The following WDFY3 variants were observed in gnomAD, a reference collection of about 807,000 sequenced individuals.
WDFY3 encodes the protein WD repeat and FYVE domain containing 3, also known as WD repeat and FYVE domain-containing protein 3.
WDFY3 carries 66 observed loss-of-function variants against 409.6 expected under a neutral mutation model. The ratio of observed to expected loss-of-function variants is 0.16; its 90% CI spans 0.13 to 0.20. The LOEUF is 0.20. Ranked by LOEUF, WDFY3 falls within the 10% of genes least tolerant of loss-of-function variation. The pLI is 1.00. For synonymous variants in WDFY3, 1,521 were observed against 1,537.1 expected, an observed-to-expected ratio of 0.99 and a Z score of 0.25; for missense variants, 3,031 against 4,298.1, an observed-to-expected ratio of 0.71 and a Z score of 8.24.
intron 2 of WDFY3, among the ~76,000 whole-genome samples, chr4:84,920,334 T>A (rs1331650517): frequency 6.6e-6 from 1 of 152,206 alleles, no homozygotes; most frequent in Non-Finnish European, 1.5e-5. Context: ...TTTAGACTGC[T>A]AATATAAGAG....
chr4:84,961,617 C>A (rs1417480376), intron 1 of WDFY3, among the ~76,000 whole-genome samples: 1 of 152,026 alleles, frequency 6.6e-6, no homozygotes, highest in Non-Finnish European at 1.5e-5. Flanking sequence ...AAGGCTGCAG[C>A]CTTCATAGTG....
At chr4:84,764,783 T>G (rs1743330922) in intron 32 of WDFY3, among the ~76,000 whole-genome samples, 1 of 149,540 alleles carries the variant, frequency 6.7e-6, no homozygotes, top group Admixed American at 6.7e-5. Context: ...GCAGGAAGAA[T>G]GAACCCGGAA....
intron 36 of WDFY3, among the ~76,000 whole-genome samples, chr4:84,750,277 G>A (rs1578357525): frequency 6.6e-6 from 1 of 152,066 alleles, no homozygotes. Context: ...CATTAGTGAG[G>A]AAACCAATTA....
chr4:84,909,094 C>T (rs1158962091), intron 2 of WDFY3, among the ~76,000 whole-genome samples: 2 of 151,752 alleles, frequency 1.3e-5, no homozygotes, highest in African/African-American at 2.4e-5. Context: ...TTTCATAATA[C>T]AGGGATAGAG....
intron 39 of WDFY3, among the ~76,000 whole-genome samples, chr4:84,739,749 A>C (rs1331292675): frequency 2.0e-5 from 3 of 152,156 alleles, no homozygotes; most frequent in Non-Finnish European, 2.9e-5. Flanking sequence ...CACAGGGTCT[A>C]TCATACTCAC....
chr4:84,860,559 C>G lies in WDFY3; in HGVS notation c.33G>C (p.Pro11=). The G allele has an allele frequency of 6.2e-7, 1 of 1,612,168 alleles. No individual in the cohort carries two copies. The highest frequency in any genetic ancestry group is 1.3e-5 in the African/African-American group (1 of 75,010). The change falls in exon 4 of 68, where the codon CCG becomes CCC. Residue 11 remains proline (P), a synonymous_variant. Transcript: ENST00000295888. MNMVKRIMGR[P]RQEECSPQDN... is the part of the protein sequence containing the mutation. Reference sequence around the variant, plus strand: ...CTTGTGGGCTGCACTCCTCCTGCCTCGGCCGCCCCATGATCCTCTTCACCA... The same window carrying G: ...CTTGTGGGCTGCACTCCTCCTGCCTGGGCCGCCCCATGATCCTCTTCACCA...
intron 40 of WDFY3, among the ~76,000 whole-genome samples, chr4:84,738,024 T>C (rs542799516): frequency 6.6e-6 from 1 of 152,146 alleles, no homozygotes; most frequent in South Asian, 2.1e-4. Context: ...CCTCAGGGGG[T>C]GAAAATAATA....
chr4:84,683,455 A>G (rs1322109529), intron 63 of WDFY3, among the ~76,000 whole-genome samples: 1 of 152,244 alleles, frequency 6.6e-6, no homozygotes, highest in African/African-American at 2.4e-5. Context: ...TTTTCTGTAG[A>G]GTCCCAGCAC....
In WDFY3 at chr4:84,784,883, TATATATATACACAC is replaced by T. The variant is rs1276542912; in HGVS notation, c.4062+1082_4062+1095del. 2.8e-4 allele frequency among the ~76,000 whole-genome samples: 25 copies of T among 90,606 alleles called. No homozygotes were observed. In the East Asian group the frequency reaches 4.9e-3, roughly 18 times the overall value. 59.4% of individuals were successfully genotyped at this position (90,606 alleles called of 152,430 possible). A position where few individuals can be genotyped will look rare whatever the true frequency, so the allele number is the denominator to read the frequency against. On this transcript the variant is annotated intron_variant, in intron 24 of 67. Coordinates refer to ENST00000295888, the MANE Select transcript of WDFY3 (RefSeq NM_014991.6). ...GTATATATATATATATATATATATATATATATATACACACACACACACACACACACACACACATA... is the reference window on the plus strand; with the variant it reads ...GTATATATATATATATATATATATATACACACACACACACACACACACATA...
At chr4:84,877,525 C>T (rs969666712) in intron 3 of WDFY3, among the ~76,000 whole-genome samples, 3 of 152,100 alleles carry the variant, frequency 2.0e-5, no homozygotes, top group Non-Finnish European at 4.4e-5. Context: ...TCTCAAACTC[C>T]AGGCCTCAAG....
At chr4:84,966,018 G>A (rs1396891955) in intron 1 of WDFY3, among the ~76,000 whole-genome samples, 191 bp downstream of exon 1, 3 of 151,986 alleles carry the variant, frequency 2.0e-5, no homozygotes, top group Non-Finnish European at 4.4e-5. Flanking sequence ...CGGCGGCGGC[G>A]GCTCCCGGCC....
At chr4:84,739,480 G>A in intron 39 of WDFY3, 2 of 200,098 alleles carry the variant, frequency 1.0e-5, no homozygotes, top group South Asian at 1.6e-4. Context: ...CTCTGCTCCT[G>A]TAGTGAAGTA....
intron 1 of WDFY3, among the ~76,000 whole-genome samples, chr4:84,959,771 A>C (rs1293333522): frequency 2.6e-5 from 4 of 152,224 alleles, no homozygotes; most frequent in African/African-American, 7.2e-5. Flanking sequence ...ATATCCCAGC[A>C]AAAAATCAGT....
In WDFY3 at chr4:84,856,153, A is replaced by C. The variant is rs1249634208; in HGVS notation, c.180+4259T>G. Among the ~76,000 whole-genome samples, 3 of 152,218 alleles carry C rather than the reference A, an allele frequency of 2.0e-5. No individual in the cohort carries two copies. In the South Asian group the frequency reaches 6.2e-4, roughly 32 times the overall value. The stretch of plus-strand genomic sequence containing the variant: ...CTGATCTCTCTCTTATTTGGTTCTA[A>C]GTTTGGGTGACCTCTCTCTTAAGTC... On this transcript the variant is annotated intron_variant, in intron 4 of 67. Transcript: ENST00000295888.
At chr4:84,759,076 C>T (rs1044390446) in intron 32 of WDFY3, among the ~76,000 whole-genome samples, 4 of 152,248 alleles carry the variant, frequency 2.6e-5, no homozygotes, top group Non-Finnish European at 5.9e-5. Context: ...TTCCCCATTG[C>T]TTGTTTTTCT....
rs1271750983 is a variant in WDFY3, at chr4:84,835,141, G to T, written c.576+1788C>A. On this transcript the variant is annotated intron_variant, in intron 7 of 67. Transcript: ENST00000295888. ...CAGTATGCTAAAGTGACTCCCACAT[G>T]ATCGAAAGTCAGCACCTGGTTTTCA... Among the ~76,000 whole-genome samples, 6 of 152,264 alleles carry T rather than the reference G, an allele frequency of 3.9e-5. No homozygotes were observed. The East Asian group carries it at 1.2e-3, about 29-fold the overall frequency.
chr4:84,705,196 C>A (rs1731726167), intron 54 of WDFY3, among the ~76,000 whole-genome samples, 198 bp downstream of exon 54: 1 of 152,140 alleles, frequency 6.6e-6, no homozygotes. Flanking sequence ...ATTTAAAATG[C>A]CTTCTAAGCA....
At chr4:84,841,662 A>G (rs187511693) in intron 5 of WDFY3, among the ~76,000 whole-genome samples, 5 of 152,364 alleles carry the variant, frequency 3.3e-5, no homozygotes, top group Admixed American at 3.3e-4. Flanking sequence ...ACAGATCAAG[A>G]CAAAGAACTG....
intron 3 of WDFY3, among the ~76,000 whole-genome samples, chr4:84,878,202 A>G (rs938515143): frequency 2.6e-5 from 4 of 152,206 alleles, no homozygotes; most frequent in African/African-American, 9.6e-5. Context: ...TGGTAAACAG[A>G]TGATGACAAA....
Sources: gnomAD v4.1 joint callset for allele counts (sites outside exome capture counted in the v4.1 genomes callset) on GRCh38, gnomAD v4.1.1 for gene constraint, MANE v1.5 for transcripts, NCBI Gene and HGNC (gene_info 2026-07-23, HGNC 2026-07-21) for gene names.